The following CAMK1D variants were observed in gnomAD, a reference collection of about 807,000 sequenced individuals.
CAMK1D encodes the protein calcium/calmodulin-dependent protein kinase type 1D.
Under a neutral mutation model 47.7 loss-of-function variants are expected in CAMK1D, and 9 were observed. The ratio of observed to expected loss-of-function variants is 0.19; its 90% CI spans 0.11 to 0.33. The LOEUF (loss-of-function observed/expected upper bound fraction) is 0.33. Among genes scored for constraint, CAMK1D ranks in the 10% least tolerant of loss-of-function variants. The probability of loss-of-function intolerance (pLI) is 1.00; values close to 1 mark genes in which losing one functional copy is unlikely to be tolerated. For synonymous variants in CAMK1D, 184 were observed against 184.9 expected (o/e 0.99, Z 0.04); for missense variants, 291 against 488.7 (o/e 0.60, Z 3.81).
chr10:12,819,340 C>A (rs74118631), intron 8 of CAMK1D, among the ~76,000 whole-genome samples: 1,854 of 152,306 alleles, frequency 0.012, 41 homozygotes, highest in African/African-American at 0.042. Context: ...TCCTGGTGCC[C>A]TGAACACATG....
intron 2 of CAMK1D, among the ~76,000 whole-genome samples, chr10:12,573,857 G>C (rs1458403846): frequency 1.9e-3 from 17 of 9,036 alleles, no homozygotes; most frequent in African/African-American, 3.4e-3. Flanking sequence ...TTTTTTTTTT[G>C]TGGAGATGGG....
intron 3 of CAMK1D, chr10:12,760,739 T>G: frequency 1.8e-6 from 1 of 549,868 alleles, no homozygotes; most frequent in South Asian, 2.4e-5. Context: ...CGTGTTTTTT[T>G]AAATTTCCTT....
chr10:12,773,620 C>T (rs985837021), intron 5 of CAMK1D, among the ~76,000 whole-genome samples: 11 of 152,142 alleles, frequency 7.2e-5, no homozygotes, highest in Admixed American at 2.6e-4. Flanking sequence ...GGGCCGGGGG[C>T]GGTGGCTCAT....
At chr10:12,506,282 G>A (rs1367852538) in intron 1 of CAMK1D, among the ~76,000 whole-genome samples, 2 of 152,036 alleles carry the variant, frequency 1.3e-5, no homozygotes, top group Non-Finnish European at 2.9e-5. Context: ...TAGCCGAGTG[G>A]GGTGCCATGT....
intron 3 of CAMK1D, among the ~76,000 whole-genome samples, chr10:12,689,551 C>A (rs568529968): frequency 1.3e-5 from 2 of 152,084 alleles, no homozygotes; most frequent in African/African-American, 4.8e-5. Flanking sequence ...CCGAGGCGGG[C>A]GGATCACCTG....
At chr10:12,569,694 G>A (rs549633864) in intron 2 of CAMK1D, among the ~76,000 whole-genome samples, 1 of 139,048 alleles carries the variant, frequency 7.2e-6, no homozygotes, top group Admixed American at 7.5e-5. Flanking sequence ...ACTCTATCTA[G>A]CTTGGGTGAC....
Position 12,359,738 on chromosome 10 carries a change from G to C in CAMK1D, c.92+9828G>C, listed in dbSNP as rs1161858382. Among the ~76,000 whole-genome samples the C allele has an allele frequency of 2.0e-5, 3 of 152,220 alleles. No individual in the cohort carries two copies. The South Asian group carries it at 6.2e-4, about 32-fold the overall frequency. On this transcript the variant is annotated intron_variant, in intron 1 of 10. Coordinates refer to ENST00000619168, the MANE Select transcript of CAMK1D (RefSeq NM_153498.4). ...ATTGAAACTCATGTTTTGATTTGAT[G>C]ACTCAAGGAACTTACTTACAGTGTC...
intron 1 of CAMK1D, among the ~76,000 whole-genome samples, chr10:12,387,252 C>G (rs904610372): frequency 6.8e-6 from 1 of 147,300 alleles, no homozygotes; most frequent in South Asian, 2.1e-4. Flanking sequence ...ACAATTATTG[C>G]TATTCATAGA....
chr10:12,760,882 A>G, intron 3 of CAMK1D, 66 bp from the exon 4 acceptor site: 1 of 1,554,014 alleles, frequency 6.4e-7, no homozygotes, highest in South Asian at 1.2e-5. Context: ...TTTTTTTCAC[A>G]TTGGAAGCTT....
At chr10:12,593,211 G>A (rs1343504414) in intron 2 of CAMK1D, among the ~76,000 whole-genome samples, 1 of 152,096 alleles carries the variant, frequency 6.6e-6, no homozygotes, top group Non-Finnish European at 1.5e-5. Context: ...GTAGTTTAAC[G>A]AACCCGTTTT....
intron 1 of CAMK1D, among the ~76,000 whole-genome samples, chr10:12,420,452 T>G (rs1248238528): frequency 6.6e-6 from 1 of 152,254 alleles, no homozygotes; most frequent in Non-Finnish European, 1.5e-5. Flanking sequence ...CAAGGCATTA[T>G]TGGCAGTGGA....
intron 1 of CAMK1D, among the ~76,000 whole-genome samples, chr10:12,537,357 C>A (rs1564398320): frequency 6.6e-6 from 1 of 152,210 alleles, no homozygotes; most frequent in East Asian, 1.9e-4. Context: ...CAGAAGTGAA[C>A]CACCGCACCC....
intron 1 of CAMK1D, among the ~76,000 whole-genome samples, chr10:12,549,308 C>T (rs115290395): frequency 0.011 from 1,684 of 152,302 alleles, 35 homozygotes; most frequent in African/African-American, 0.039. Context: ...TAGAATCATA[C>T]GGTATTTGGC....
chr10:12,403,556 T>C (rs1385036260), intron 1 of CAMK1D, among the ~76,000 whole-genome samples: 1 of 152,212 alleles, frequency 6.6e-6, no homozygotes, highest in Non-Finnish European at 1.5e-5. Flanking sequence ...ACTCAAAATT[T>C]ACTATTGAAT....
intron 6 of CAMK1D, among the ~76,000 whole-genome samples, chr10:12,801,354 T>TATATCTATCTATC (rs57429397): frequency 3.0e-5 from 2 of 66,490 alleles, no homozygotes; most frequent in African/African-American, 1.1e-4. Context: ...TCTATCTATC[T>TATATCTATCTATC]TATCTATCTA....
At chr10:12,350,830 T>C (rs550394768) in intron 1 of CAMK1D, among the ~76,000 whole-genome samples, 1 of 152,318 alleles carries the variant, frequency 6.6e-6, no homozygotes, top group African/African-American at 2.4e-5. Context: ...ACAATCAGTA[T>C]TTGCTCTGCA....
At chr10:12,606,047 C>T (rs561013997) in intron 2 of CAMK1D, among the ~76,000 whole-genome samples, 2 of 152,302 alleles carry the variant, frequency 1.3e-5, no homozygotes, top group Admixed American at 6.5e-5. Flanking sequence ...AGATCGAGGT[C>T]GGAGAAAAGG....
At position 12,766,516 on chromosome 10, in the gene CAMK1D, G is replaced by T. The variant is rs900621275; in HGVS notation, c.439-3157G>T. On this transcript the variant is annotated intron_variant, in intron 4 of 10. Transcript: ENST00000619168. ...CCCTTTTCTGTTGGCACAGCTGCTG[G>T]CATTCACCAGTGAAAGCTTCCAGCT... Among the ~76,000 whole-genome samples, 18 of 152,006 alleles carry T rather than the reference G, an allele frequency of 1.2e-4. No individual in the cohort carries two copies. In the South Asian group the frequency reaches 3.7e-3, roughly 32 times the overall value.
chr10:12,643,095 G>A (rs12413451), intron 2 of CAMK1D, among the ~76,000 whole-genome samples: 15 of 152,092 alleles, frequency 9.9e-5, no homozygotes, highest in Admixed American at 7.2e-4. Flanking sequence ...TCCGCCTCCC[G>A]GGTTCAAGTG....
Sources: gnomAD v4.1 joint callset for allele counts (sites outside exome capture counted in the v4.1 genomes callset) on GRCh38, gnomAD v4.1.1 for gene constraint, MANE v1.5 for transcripts, NCBI Gene and HGNC (gene_info 2026-07-23, HGNC 2026-07-21) for gene names.